The following KANK2 variants were observed in gnomAD, a reference collection of about 807,000 sequenced individuals.
KANK2 encodes the protein KN motif and ankyrin repeat domain-containing protein 2.
In KANK2, 41 loss-of-function variants were observed where a neutral mutation model predicts 74.6. The ratio of observed to expected loss-of-function variants is 0.55; its 90% CI spans 0.43 to 0.71. The LOEUF (loss-of-function observed/expected upper bound fraction) is 0.71, where lower values mean the gene tolerates loss of function less well. Ranked by LOEUF, KANK2 falls within the 30% of genes least tolerant of loss-of-function variation. The pLI, the probability that KANK2 is intolerant of heterozygous loss-of-function variation, is 0.00. For synonymous variants in KANK2, 537 were observed against 519.0 expected (o/e 1.03, Z -0.47); for missense variants, 1,148 against 1,196.4 (o/e 0.96, Z 0.60).
chr19:11,184,126 C>T (rs1439169834), intron 4 of KANK2, among the ~76,000 whole-genome samples: 1 of 152,102 alleles, frequency 6.6e-6, no homozygotes, highest in Non-Finnish European at 1.5e-5. Flanking sequence ...CCTGTAATCC[C>T]AACACTTTGG....
Position 11,170,021 on chromosome 19 carries a change from C to G in KANK2, c.2412+27G>C, listed in dbSNP as rs781255598. The stretch of plus-strand genomic sequence containing the variant: ...TCCCCATGCTGTGCTCCCGCCCTCC[C>G]CGGGGTGCACCTGGTTGGAGACTCA... On this transcript the variant is annotated intron_variant, in intron 11 of 12. Transcript: ENST00000586659. The surrounding 1 kb of genome is among the most constrained non-coding windows in gnomAD (Gnocchi z 5.2). 6.2e-7 allele frequency: 1 copy of G among 1,611,916 alleles called. No individual in the cohort carries two copies. Among genetic ancestry groups the G allele is most frequent in the Admixed American group, 1.7e-5 (1 of 59,956 alleles).
At chr19:11,181,107 A>AC (rs1190711461) in intron 4 of KANK2, among the ~76,000 whole-genome samples, 5 of 145,344 alleles carry the variant, frequency 3.4e-5, no homozygotes, top group African/African-American at 7.5e-5. Context: ...AAAAAAAAAA[A>AC]AAAAAAAAAT....
chr19:11,186,029 T>C (rs186225548), intron 4 of KANK2, among the ~76,000 whole-genome samples: 29 of 151,660 alleles, frequency 1.9e-4, no homozygotes, highest in Admixed American at 1.6e-3. Context: ...AGACCCTGTC[T>C]CAAAAAACAA....
At chr19:11,189,582 C>T (rs1218061643) in intron 4 of KANK2, among the ~76,000 whole-genome samples, 1 of 115,306 alleles carries the variant, frequency 8.7e-6, no homozygotes, top group African/African-American at 3.5e-5. Context: ...CCAGCCTGGG[C>T]GACAGAGCAA....
chr19:11,173,093 G>A lies in KANK2; in HGVS notation c.2099C>T (p.Ala700Val), dbSNP rs146334556. 3.9e-5 allele frequency: 63 copies of A among 1,613,868 alleles called. No individual in the cohort carries two copies. The highest frequency in any genetic ancestry group is 4.8e-5 in the Non-Finnish European group (57 of 1,179,938). ...GVCKVDKQNRAGYSPIMLTAL... is the reference protein window; with the variant it reads ...GVCKVDKQNRVGYSPIMLTAL... The stretch of plus-strand genomic sequence containing the variant: ...GGTGAGCATAATAGGGCTGTAGCCA[G>A]CACGGTTCTGTTTGTCCACCTTGCA... Residue 700 changes from alanine to valine, a missense_variant, in exon 10 of 13, where the codon GCT (alanine) becomes GTT (valine). By Grantham distance (64) the Ala-to-Val change is moderately conservative. Transcript: ENST00000586659.
Position 11,193,427 on chromosome 19 carries a change from A to G in KANK2, c.653T>C (p.Val218Ala), listed in dbSNP as rs759715508. ...GAGCTGCCGCTTTTCCTCCTGGAGC[A>G]CCGAGAGCTTCACCTGGAGCACAGG... ...LIPVLQVKLS[V>A]LQEEKRQLTV... The change falls in exon 4 of 13, where the codon GTG becomes GCG. Residue 218 changes from valine to alanine, a missense_variant. By Grantham distance (64) the Val-to-Ala change is moderately conservative. Coordinates refer to ENST00000586659, the MANE Select transcript of KANK2 (RefSeq NM_001136191.3). The surrounding 1 kb of genome is among the most constrained non-coding windows in gnomAD (Gnocchi z 9.6). 9 of 1,612,384 alleles carry G rather than the reference A, an allele frequency of 5.6e-6. No individual in the cohort carries two copies. The highest frequency in any genetic ancestry group is 1.1e-5 in the South Asian group (1 of 91,088).
chr19:11,174,607 A>G lies in KANK2; in HGVS notation c.1934T>C (p.Leu645Pro). ...CGCAGACATGGCCCGGAACGTGACCAGGTGCCGCCGCACCAGCTCGGGGTG... is the reference window on the plus strand; with the variant it reads ...CGCAGACATGGCCCGGAACGTGACCGGGTGCCGCCGCACCAGCTCGGGGTG... ...DAHPELVRRH[L>P]VTFRAMSARL... Residue 645 changes from leucine (L) to proline (P), a missense_variant, in exon 9 of 13, where the codon CTG becomes CCG. Coordinates refer to ENST00000586659, the MANE Select transcript of KANK2 (RefSeq NM_001136191.3). 1 of 1,612,790 alleles carries G rather than the reference A, an allele frequency of 6.2e-7. No homozygotes were observed. Among genetic ancestry groups the G allele is most frequent in the East Asian group, 2.2e-5 (1 of 44,864 alleles).
At chr19:11,169,059 C>T (rs1189367754) in intron 12 of KANK2, among the ~76,000 whole-genome samples, 3 of 152,048 alleles carry the variant, frequency 2.0e-5, no homozygotes, top group African/African-American at 2.4e-5. Flanking sequence ...AAAAAATGTC[C>T]GGGTGCAGTG....
At position 11,178,415 on chromosome 19, in the gene KANK2, T is replaced by C; in HGVS notation, c.1450A>G (p.Lys484Glu). ...GPPAGVRSIM[K>E]RKEEVADPTA... ...GGGTCTGCAACCTCCTCTTTCCGTT[T>C]CATGATAGATCGCACGCCTGCCGGG... Residue 484 changes from lysine (K) to glutamate (E), a missense_variant, in exon 6 of 13, where the codon AAA becomes GAA. Coordinates refer to ENST00000586659, the MANE Select transcript of KANK2 (RefSeq NM_001136191.3). 3.1e-6 allele frequency: 5 copies of C among 1,588,100 alleles called. No individual in the cohort carries two copies. Among genetic ancestry groups the C allele is most frequent in the Non-Finnish European group, 4.3e-6 (5 of 1,171,118 alleles).
Position 11,180,393 on chromosome 19 carries a change from C to A in KANK2, c.1250-1673G>T, listed in dbSNP as rs538908896. On this transcript the variant is annotated intron_variant, in intron 4 of 12. Transcript: ENST00000586659. ...TATAGGCATGAGCCACTATGCCCAG[C>A]CTTAAATTTTTTTTTTTTGCCATAT... 6.6e-5 allele frequency among the ~76,000 whole-genome samples: 10 copies of A among 151,930 alleles called. No homozygotes were observed. The East Asian group carries it at 1.9e-3, about 29-fold the overall frequency.
chr19:11,172,249 T>C (rs2147399260), intron 10 of KANK2, among the ~76,000 whole-genome samples: 1 of 152,298 alleles, frequency 6.6e-6, no homozygotes, highest in East Asian at 1.9e-4. Context: ...AGTGCTGGGA[T>C]TATAGGCATG....
chr19:11,196,299 C>T (rs1408519040), intron 1 of KANK2: 1 of 152,292 alleles, frequency 6.6e-6, no homozygotes, highest in African/African-American at 2.4e-5. Flanking sequence ...CTCAGGTGAT[C>T]CGCCCGCCTT....
chr19:11,186,755 T>C (rs925652302), intron 4 of KANK2, among the ~76,000 whole-genome samples: 1 of 151,948 alleles, frequency 6.6e-6, no homozygotes, highest in African/African-American at 2.4e-5. Context: ...GGTGAGGATA[T>C]GAGAAAATGG....
At chr19:11,168,300 G>A (rs1224153995) in intron 12 of KANK2, among the ~76,000 whole-genome samples, 2 of 150,866 alleles carry the variant, frequency 1.3e-5, no homozygotes, top group East Asian at 2.0e-4. Flanking sequence ...CACCACGCCT[G>A]GCCTCTTTCT....
chr19:11,182,840 CAAAAAAA>C (rs36229477), intron 4 of KANK2, among the ~76,000 whole-genome samples: 13 of 62,958 alleles, frequency 2.1e-4, no homozygotes, highest in Admixed American at 1.2e-3. Flanking sequence ...CAGACTGCCT[CAAAAAAA>C]AAAAAAAAAA....
At chr19:11,183,712 G>A (rs1463530066) in intron 4 of KANK2, among the ~76,000 whole-genome samples, 1 of 151,302 alleles carries the variant, frequency 6.6e-6, no homozygotes. Flanking sequence ...GTGGAGTGGA[G>A]CCATCTCAGC....
chr19:11,164,610 A>G lies in KANK2; in HGVS notation c.*1948T>C, dbSNP rs535332453. The G allele has an allele frequency of 6.6e-6, 1 of 152,314 alleles. No individual in the cohort carries two copies. The highest frequency in any genetic ancestry group is 2.1e-4 in the South Asian group (1 of 4,824). 9.4% of individuals were successfully genotyped at this position (152,314 alleles called of 1,614,324 possible). A position where few individuals can be genotyped will look rare whatever the true frequency, so the allele number is the denominator to read the frequency against. The stretch of plus-strand genomic sequence containing the variant: ...CTTGTACCGCTTCTCAAAGCTGCCC[A>G]AAGCTGCGACCTTCCCCCTCAGACA... On this transcript the variant is annotated 3_prime_UTR_variant, in exon 13 of 13. Transcript: ENST00000586659.
At position 11,193,769 on chromosome 19, in the gene KANK2, C is replaced by T. The variant is rs563614728; in HGVS notation, c.311G>A (p.Gly104Asp). ...DSRHSAYSYC[G>D]RGFYPQYGAL... The stretch of plus-strand genomic sequence containing the variant: ...ACCATACTGAGGGTAGAAGCCACGG[C>T]CGCAGTAGGAATAGGCTGAGTGGCG... The change falls in exon 4 of 13, where the codon GGC (glycine) becomes GAC (aspartate). Residue 104 changes from glycine (G) to aspartate (D), a missense_variant. By Grantham distance (94) the Gly-to-Asp change is moderately conservative. Transcript: ENST00000586659. The surrounding 1 kb of genome is among the most constrained non-coding windows in gnomAD (Gnocchi z 9.6). The T allele has an allele frequency of 3.1e-6, 5 of 1,612,760 alleles. No individual in the cohort carries two copies. In the South Asian group the frequency reaches 4.4e-5, roughly 14 times the overall value.
rs375395693 is a variant in KANK2 at position 11,193,357 on chromosome 19, C to T, written c.723G>A (p.Ala241=). The T allele has an allele frequency of 4.7e-5, 76 of 1,612,802 alleles. No homozygotes were observed. Among genetic ancestry groups the T allele is most frequent in the Admixed American group, 1.8e-4 (11 of 60,004 alleles). ...GGCAGAGCTCGCTGCGACCCCGGCC[C>T]GCTGTGGGGTGGCCCAGGAACTTCT... is the stretch of plus-strand genomic sequence containing the variant. ...KSQKFLGHPT[A]GRGRSELCLD... The change falls in exon 4 of 13, where the codon GCG becomes GCA. Residue 241 remains alanine, a synonymous_variant. Coordinates refer to ENST00000586659, the MANE Select transcript of KANK2 (RefSeq NM_001136191.3). This position sits in a 1 kb window ranked among gnomAD's most constrained non-coding sequence, Gnocchi z 9.6.
Sources: gnomAD v4.1 joint callset for allele counts (sites outside exome capture counted in the v4.1 genomes callset) on GRCh38, gnomAD v4.1.1 for gene constraint, Gnocchi (gnomAD v3.1) non-coding constraint, MANE v1.5 for transcripts, NCBI Gene and HGNC (gene_info 2026-07-23, HGNC 2026-07-21) for gene names.